The following BMPR2 variants were observed in gnomAD, a reference collection of about 807,000 sequenced individuals.
BMPR2 encodes bone morphogenetic protein receptor type 2, also known as bone morphogenetic protein receptor type-2.
Under a neutral mutation model 100.8 loss-of-function variants are expected in BMPR2, and 29 were observed. That is an observed-to-expected ratio of 0.29 (90% CI 0.21 to 0.39). BMPR2 has a LOEUF of 0.39. BMPR2 is among the 10% of genes least tolerant of loss of function. The pLI is 1.00. For missense variants in BMPR2, 1,011 were observed against 1,274.5 expected (o/e 0.79, Z 3.15); for synonymous variants, 382 against 442.3 (o/e 0.86, Z 1.71).
chr2:202,509,484 T>A (rs967828944), intron 3 of BMPR2, among the ~76,000 whole-genome samples: 1 of 151,886 alleles, frequency 6.6e-6, no homozygotes, highest in Non-Finnish European at 1.5e-5. Flanking sequence ...AAAAGCTTGA[T>A]AAAATACACA....
rs1306511209 is a variant in BMPR2 at position 202,498,817 on chromosome 2, C to T, written c.419-14902C>T. Among the ~76,000 whole-genome samples the T allele has an allele frequency of 2.6e-5, 4 of 152,106 alleles. No individual in the cohort carries two copies. The East Asian group carries it at 7.7e-4, about 29-fold the overall frequency. ...AGGGCAGTACAAATTACAATACTAT[C>T]CTGCAGCTTGACCTTTTCTCTAAGA... On this transcript the variant is annotated intron_variant, in intron 3 of 12. Transcript: ENST00000374580.
At chr2:202,469,707 G>A (rs1248870573) in intron 3 of BMPR2, among the ~76,000 whole-genome samples, 2 of 151,482 alleles carry the variant, frequency 1.3e-5, no homozygotes, top group South Asian at 2.1e-4. Context: ...TCAAATTCCC[G>A]ACCTCAGATG....
intron 1 of BMPR2, among the ~76,000 whole-genome samples, chr2:202,411,480 A>G (rs1464860841): frequency 6.6e-6 from 1 of 152,228 alleles, no homozygotes; most frequent in East Asian, 1.9e-4. Context: ...GAACTTCATT[A>G]TCTTGCTAGC....
intron 3 of BMPR2, among the ~76,000 whole-genome samples, chr2:202,502,012 C>T (rs1244979366): frequency 6.6e-6 from 1 of 152,176 alleles, no homozygotes; most frequent in Non-Finnish European, 1.5e-5. Flanking sequence ...GTGATGTAAC[C>T]ATACTTGAAA....
chr2:202,383,141 T>C (rs1319778944), intron 1 of BMPR2, among the ~76,000 whole-genome samples: 1 of 152,246 alleles, frequency 6.6e-6, no homozygotes, highest in African/African-American at 2.4e-5. Flanking sequence ...TTTAAAAATT[T>C]GCAGTGTGGC....
rs552326211 is a variant in BMPR2, at chr2:202,407,048, A to G, written c.76+29498A>G. Among the ~76,000 whole-genome samples, 304 of 151,626 alleles carry G rather than the reference A, an allele frequency of 2.0e-3. 1 individual carries two copies. The highest frequency in any genetic ancestry group is 6.5e-3 in the African/African-American group (270 of 41,304). ...CTGCAACCTCTGCTTCCTAGGCTCA[A>G]GTGATTCTCCTGCATTAGCCTCCCA... On this transcript the variant is annotated intron_variant, in intron 1 of 12. Coordinates refer to ENST00000374580, the MANE Select transcript of BMPR2 (RefSeq NM_001204.7).
chr2:202,475,377 AC>A (rs1692525603), intron 3 of BMPR2, among the ~76,000 whole-genome samples: 1 of 152,120 alleles, frequency 6.6e-6, no homozygotes, highest in African/African-American at 2.4e-5. Flanking sequence ...CATCTCACGT[AC>A]CCCATAAATA....
rs1574506729 is a variant in BMPR2, at chr2:202,555,622, CCT to C, written c.1958_1959del (p.Pro653ArgfsTer21). On this transcript the variant is annotated frameshift_variant, in exon 12 of 13. Transcript: ENST00000374580. LOFTEE classifies it high-confidence loss of function. ...TGTTGCACAGTCAATTGGGCCAACC[CCT>C]GTCTGCTTACAGCTGACAGAAGAAG... is the stretch of plus-strand genomic sequence containing the variant. The part of the protein sequence containing the change: ...TNVAQSIGPT[P>X]VCLQLTEEDL... 1 of 1,614,072 alleles carries C rather than the reference CCT, an allele frequency of 6.2e-7. No homozygotes were observed. Among genetic ancestry groups the C allele is most frequent in the Non-Finnish European group, 8.5e-7 (1 of 1,180,018 alleles).
intron 1 of BMPR2, among the ~76,000 whole-genome samples, chr2:202,425,355 A>C (rs1691364908): frequency 6.6e-6 from 1 of 152,240 alleles, no homozygotes; most frequent in African/African-American, 2.4e-5. Flanking sequence ...TACAGGAAAC[A>C]GAAGCGAGGT....
intron 12 of BMPR2, among the ~76,000 whole-genome samples, chr2:202,558,484 G>A (rs765978377): frequency 6.6e-6 from 1 of 152,186 alleles, no homozygotes; most frequent in Admixed American, 6.5e-5. Flanking sequence ...AAATGGGCTT[G>A]AAGGAAGGAT....
chr2:202,458,283 C>CAAA (rs71035009), intron 1 of BMPR2, among the ~76,000 whole-genome samples: 35 of 52,248 alleles, frequency 6.7e-4, no homozygotes, highest in East Asian at 2.3e-3. Flanking sequence ...CTTGTCTCTG[C>CAAA]AAAAAAAAAA....
chr2:202,529,385 G>A (rs375213461), intron 7 of BMPR2, among the ~76,000 whole-genome samples: 222 of 152,296 alleles, frequency 1.5e-3, no homozygotes, highest in African/African-American at 5.2e-3. Context: ...AGTACAGAGG[G>A]GAGTTTAAAA....
At chr2:202,411,786 A>G (rs1691017387) in intron 1 of BMPR2, among the ~76,000 whole-genome samples, 1 of 152,186 alleles carries the variant, frequency 6.6e-6, no homozygotes. Context: ...GAAAACAGAG[A>G]TAAACCCAAA....
In BMPR2 at chr2:202,560,175, A is replaced by G; in HGVS notation, c.*229A>G. 1.8e-6 allele frequency: 1 copy of G among 546,502 alleles called. No individual in the cohort carries two copies. Among genetic ancestry groups the G allele is most frequent in the Admixed American group, 3.2e-5 (1 of 31,724 alleles). 33.9% of individuals were successfully genotyped at this position (546,502 alleles called of 1,614,324 possible). ...TTGCACTTTTGTTTAGTCTCGCTAA[A>G]GTTATATTTGTCTGTTATGACCACA... On this transcript the variant is annotated 3_prime_UTR_variant, in exon 13 of 13. Coordinates refer to ENST00000374580, the MANE Select transcript of BMPR2 (RefSeq NM_001204.7).
intron 3 of BMPR2, among the ~76,000 whole-genome samples, chr2:202,477,445 C>G (rs374625449): frequency 1.3e-5 from 2 of 151,840 alleles, no homozygotes; most frequent in Non-Finnish European, 2.9e-5. Flanking sequence ...TGTCCTTATA[C>G]TTGAGAAACA....
chr2:202,530,966 C>G lies in BMPR2; in HGVS notation c.1128+12C>G. Reference sequence around the variant, plus strand: ...CAGCCATAAGCGAGGTGAGTGTATACAAAAGGTATCACACTGATGTACTTT... The same window carrying G: ...CAGCCATAAGCGAGGTGAGTGTATAGAAAAGGTATCACACTGATGTACTTT... On this transcript the variant is annotated intron_variant, in intron 8 of 12. Transcript: ENST00000374580. 6.2e-7 allele frequency: 1 copy of G among 1,613,544 alleles called. No individual in the cohort carries two copies. The highest frequency in any genetic ancestry group is 1.1e-5 in the South Asian group (1 of 91,060).
At chr2:202,485,977 ACT>A (rs909104407) in intron 3 of BMPR2, among the ~76,000 whole-genome samples, 4 of 152,012 alleles carry the variant, frequency 2.6e-5, no homozygotes, top group Non-Finnish European at 5.9e-5. Flanking sequence ...TCTCTAAAGA[ACT>A]GCCATTGGCC....
intron 1 of BMPR2, among the ~76,000 whole-genome samples, chr2:202,379,142 T>C (rs925715451): frequency 1.3e-5 from 2 of 152,186 alleles, no homozygotes; most frequent in African/African-American, 4.8e-5. Context: ...TGGTATTGCA[T>C]AGCACCAGAT....
chr2:202,539,917 C>G (rs1394846968), intron 9 of BMPR2, among the ~76,000 whole-genome samples: 1 of 151,932 alleles, frequency 6.6e-6, no homozygotes, highest in East Asian at 1.9e-4. Context: ...AGCAATCCAG[C>G]GATAGTAAGG....
Sources: allele counts gnomAD v4.1 joint callset (sites outside exome capture counted in the v4.1 genomes callset), GRCh38; gene constraint gnomAD v4.1.1; transcripts MANE v1.5; gene names NCBI Gene and HGNC (gene_info 2026-07-23, HGNC 2026-07-21).